FGD5: variants seen among roughly 807,000 people sequenced by gnomAD.
The protein encoded by FGD5 is FYVE, RhoGEF and PH domain containing 5, also known as FYVE, RhoGEF and PH domain-containing protein 5.
FGD5 carries 28 observed loss-of-function variants against 133.4 expected under a neutral mutation model. The ratio of observed to expected loss-of-function variants is 0.21; its 90% confidence interval spans 0.16 to 0.29. FGD5 has a LOEUF of 0.29. FGD5 is among the 10% of genes least tolerant of loss of function. The pLI is 1.00. For missense variants in FGD5, 1,858 were observed against 1,895.2 expected (o/e 0.98, Z 0.36); for synonymous variants, 810 against 776.5 (o/e 1.04, Z -0.72).
intron 4 of FGD5, chr3:14,882,442 A>T (rs1417220370): frequency 1.3e-6 from 1 of 744,478 alleles, no homozygotes; most frequent in Admixed American, 6.3e-5. Context: ...TCATGCCTGT[A>T]ATCTCAGCAC....
chr3:14,902,836 G>C (rs2038267709), intron 9 of FGD5, among the ~76,000 whole-genome samples: 2 of 152,184 alleles, frequency 1.3e-5, no homozygotes, highest in African/African-American at 2.4e-5. Context: ...AACTAGGTCA[G>C]GCAGGGATAC....
In FGD5 at chr3:14,921,937, G is replaced by T; in HGVS notation, c.3589G>T (p.Glu1197Ter). 6.4e-7 allele frequency: 1 copy of T among 1,570,108 alleles called. No individual in the cohort carries two copies. ...LSASSCAERD[E>*]WYGCLSRALP... ...CCGCAGCTCCTGTGCAGAGAGGGAC[G>T]AGTGGTATGGCTGTCTGAGCAGAGC... Residue 1197 changes from glutamate to a stop codon, truncating the protein, a stop_gained, in exon 14 of 20, where the codon GAG (glutamate) becomes TAG (stop). Transcript: ENST00000285046. LOFTEE classifies it high-confidence loss of function.
At chr3:14,879,335 G>C (rs908639014) in intron 2 of FGD5, among the ~76,000 whole-genome samples, 2 of 152,242 alleles carry the variant, frequency 1.3e-5, no homozygotes, top group Admixed American at 1.3e-4. Context: ...GCGTGTCTTT[G>C]CATCTCTGGA....
intron 9 of FGD5, among the ~76,000 whole-genome samples, chr3:14,901,946 G>T (rs2038247412): frequency 1.3e-5 from 2 of 152,152 alleles, no homozygotes; most frequent in Admixed American, 1.3e-4. Flanking sequence ...ATGCCACAGG[G>T]TTCAGAGAAG....
chr3:14,816,418 GAAC>G (rs2036370347), upstream of FGD5, among the ~76,000 whole-genome samples: 2 of 152,220 alleles, frequency 1.3e-5, no homozygotes, highest in African/African-American at 4.8e-5. Context: ...GACTTTATCT[GAAC>G]AACAGCTACT....
At chr3:14,838,368 AC>A (rs889891047) in intron 1 of FGD5, among the ~76,000 whole-genome samples, 25 of 152,164 alleles carry the variant, frequency 1.6e-4, no homozygotes, top group Admixed American at 1.3e-4. Context: ...AACCTTCACA[AC>A]CTTAAGTACG....
Position 14,933,315 on chromosome 3 carries a change from C to T in FGD5, c.*148C>T. 1.3e-6 allele frequency: 1 copy of T among 781,428 alleles called. No homozygotes were observed. 48.4% of individuals were successfully genotyped at this position (781,428 alleles called of 1,614,324 possible). On this transcript the variant is annotated 3_prime_UTR_variant, in exon 20 of 20. Transcript: ENST00000285046. ...TTTTGCTATAACCGCCCCACCACTC[C>T]CCTGCCCTTGCCAACATCTTCATGA...
intron 2 of FGD5, among the ~76,000 whole-genome samples, chr3:14,864,817 G>A (rs553683225): frequency 1.7e-3 from 266 of 152,208 alleles, no homozygotes; most frequent in African/African-American, 6.0e-3. Flanking sequence ...TGCTGGGCAC[G>A]GGTGCATCAG....
At chr3:14,859,044 T>G (rs294634) in intron 1 of FGD5, among the ~76,000 whole-genome samples, 42,732 of 152,148 alleles carry the variant, frequency 0.28, 6,704 homozygotes, top group East Asian at 0.7. Flanking sequence ...AAAGGCATTG[T>G]ATCATACTTG....
chr3:14,872,811 T>C (rs984925936), intron 2 of FGD5, among the ~76,000 whole-genome samples: 8 of 152,194 alleles, frequency 5.3e-5, no homozygotes, highest in Non-Finnish European at 1.2e-4. Context: ...CAGTCTCTTG[T>C]CCAGTCAATC....
intron 1 of FGD5, among the ~76,000 whole-genome samples, chr3:14,826,223 T>C (rs2036595122): frequency 6.6e-6 from 1 of 152,208 alleles, no homozygotes; most frequent in Non-Finnish European, 1.5e-5. Context: ...CACATGTTGC[T>C]GCACTGGCTT....
intron 4 of FGD5, among the ~76,000 whole-genome samples, chr3:14,888,105 G>C (rs2125124225): frequency 6.6e-6 from 1 of 151,850 alleles, no homozygotes; most frequent in East Asian, 1.9e-4. Context: ...AGGAGTTTGA[G>C]GCTGCAGTGA....
At chr3:14,907,767 G>A (rs868054562) in intron 10 of FGD5, 56 bp downstream of exon 10, 1 of 1,560,138 alleles carries the variant, frequency 6.4e-7, no homozygotes, top group African/African-American at 1.4e-5. Flanking sequence ...GCTCCGATAA[G>A]CCCCATTGTT....
At chr3:14,926,774 C>T (rs2038812636) in intron 18 of FGD5, among the ~76,000 whole-genome samples, 1 of 152,082 alleles carries the variant, frequency 6.6e-6, no homozygotes, top group Non-Finnish European at 1.5e-5. Context: ...CTGACCCAGG[C>T]TGAACCTGTT....
At chr3:14,898,225 A>G in intron 6 of FGD5, 130 bp downstream of exon 6, 1 of 1,180,198 alleles carries the variant, frequency 8.5e-7, no homozygotes, top group Non-Finnish European at 1.2e-6. Context: ...AGACCTGGCC[A>G]GAGGGATGAG....
intron 4 of FGD5, among the ~76,000 whole-genome samples, chr3:14,888,849 A>G (rs1339957015): frequency 6.6e-6 from 1 of 152,278 alleles, no homozygotes; most frequent in Non-Finnish European, 1.5e-5. Flanking sequence ...TTCTCAAAGC[A>G]TAGTCTTCAG....
chr3:14,854,674 C>A (rs1354083390), intron 1 of FGD5, among the ~76,000 whole-genome samples: 2 of 152,240 alleles, frequency 1.3e-5, no homozygotes, highest in East Asian at 3.9e-4. Flanking sequence ...CCCGCCTCAG[C>A]CTTCCAAAGT....
chr3:14,869,463 G>GT (rs1256161084), intron 2 of FGD5, among the ~76,000 whole-genome samples: 2 of 152,268 alleles, frequency 1.3e-5, no homozygotes, highest in African/African-American at 4.8e-5. Context: ...ATCCACCATC[G>GT]TAACCATTTT....
chr3:14,850,788 G>C (rs1329731074), intron 1 of FGD5, among the ~76,000 whole-genome samples: 1 of 152,070 alleles, frequency 6.6e-6, no homozygotes, highest in Non-Finnish European at 1.5e-5. Context: ...CCTTGGTTGG[G>C]GGGGCAGTGG....
Sources: allele counts gnomAD v4.1 joint callset (sites outside exome capture counted in the v4.1 genomes callset), GRCh38; gene constraint gnomAD v4.1.1; transcripts MANE v1.5; gene names NCBI Gene and HGNC (gene_info 2026-07-23, HGNC 2026-07-21).